The following DCC variants were observed in gnomAD, a reference collection of about 807,000 sequenced individuals.
DCC encodes DCC netrin 1 receptor.
In DCC, 58 loss-of-function variants were observed where a neutral mutation model predicts 172.5. That is an observed-to-expected ratio of 0.34 (90% CI 0.27 to 0.42). The LOEUF (loss-of-function observed/expected upper bound fraction) is 0.42. Ranked by LOEUF, DCC falls within the 10% of genes least tolerant of loss-of-function variation. The pLI is 1.00. For missense variants in DCC, 1,740 were observed against 1,791.0 expected (o/e 0.97, Z 0.51); for synonymous variants, 709 against 644.5 (o/e 1.10, Z -1.52).
intron 1 of DCC, among the ~76,000 whole-genome samples, chr18:52,629,363 T>G (rs1039470292): frequency 1.3e-5 from 2 of 152,358 alleles, no homozygotes; most frequent in Non-Finnish European, 2.9e-5. Flanking sequence ...TTTTTTCATT[T>G]TTTAAGCTGA....
intron 26 of DCC, among the ~76,000 whole-genome samples, chr18:53,496,451 A>C (rs189119837): frequency 1.3e-5 from 1 of 78,720 alleles, no homozygotes; most frequent in East Asian, 3.3e-4. Flanking sequence ...CTCCATCCGA[A>C]GGTCACCAAC....
chr18:53,115,152 A>G (rs905236234), intron 7 of DCC, among the ~76,000 whole-genome samples: 1 of 151,630 alleles, frequency 6.6e-6, no homozygotes, highest in African/African-American at 2.4e-5. Context: ...AATCACACTC[A>G]TGGATTATTG....
At chr18:52,927,168 T>TATATCTGTGTATATAC (rs1555682869) in intron 5 of DCC, among the ~76,000 whole-genome samples, 1 of 82,452 alleles carries the variant, frequency 1.2e-5, no homozygotes, top group African/African-American at 4.7e-5. Context: ...CGTATATATG[T>TATATCTGTGTATATAC]GTATATATGT....
Position 52,340,260 on chromosome 18 carries a change from T to C in DCC, c.-528T>C. On this transcript the variant is annotated 5_prime_UTR_variant, in exon 1 of 29. Transcript: ENST00000442544. ...GCTCCACCCCGCAGTCCCCCCCGCC[T>C]CTCCTCCCTGGGTCCCCTCGGCTCT... is the stretch of plus-strand genomic sequence containing the variant. 5.1e-6 allele frequency: 1 copy of C among 194,716 alleles called. No individual in the cohort carries two copies. The highest frequency in any genetic ancestry group is 1.1e-5 in the Non-Finnish European group (1 of 93,006). 12.1% of individuals were successfully genotyped at this position (194,716 alleles called of 1,614,324 possible).
intron 1 of DCC, among the ~76,000 whole-genome samples, chr18:52,747,473 T>G (rs1175297631): frequency 3.3e-5 from 5 of 152,242 alleles, no homozygotes; most frequent in Non-Finnish European, 7.3e-5. Flanking sequence ...ATCGGAAGTT[T>G]AGTTTTGATT....
chr18:52,510,828 C>A (rs887156939), intron 1 of DCC, among the ~76,000 whole-genome samples: 10 of 152,120 alleles, frequency 6.6e-5, no homozygotes, highest in African/African-American at 1.9e-4. Context: ...AGATAATCAC[C>A]TATTGTATGT....
intron 5 of DCC, among the ~76,000 whole-genome samples, chr18:52,949,439 A>G (rs2040600136): frequency 1.3e-5 from 2 of 152,304 alleles, no homozygotes; most frequent in East Asian, 3.9e-4. Context: ...ATCAAGAAGA[A>G]CAGTTTGAAT....
chr18:52,497,598 A>T (rs902022196), intron 1 of DCC, among the ~76,000 whole-genome samples: 1 of 151,926 alleles, frequency 6.6e-6, no homozygotes, highest in Admixed American at 6.6e-5. Flanking sequence ...CTAACAAGTG[A>T]TTTTTAAATT....
At chr18:52,818,019 A>G (rs188909536) in intron 2 of DCC, 1 of 152,174 alleles carries the variant, frequency 6.6e-6, no homozygotes, top group Non-Finnish European at 1.5e-5. Flanking sequence ...GGTAGTGATG[A>G]TAGTTTCCTA....
chr18:53,288,246 T>C (rs1598986223), intron 12 of DCC, among the ~76,000 whole-genome samples: 2 of 152,274 alleles, frequency 1.3e-5, no homozygotes, highest in East Asian at 3.9e-4. Context: ...ACCTTTTCAT[T>C]TCTAGAACAT....
At chr18:52,796,439 G>A (rs2037879353) in intron 2 of DCC, among the ~76,000 whole-genome samples, 1 of 151,928 alleles carries the variant, frequency 6.6e-6, no homozygotes, top group African/African-American at 2.4e-5. Context: ...TTTCCATGAT[G>A]GTAGATATTA....
intron 1 of DCC, among the ~76,000 whole-genome samples, chr18:52,601,513 T>G (rs2034017791): frequency 6.6e-6 from 1 of 152,090 alleles, no homozygotes; most frequent in African/African-American, 2.4e-5. Context: ...AAGCCTCTAA[T>G]TATAAACTGA....
chr18:53,174,191 G>A (rs1413657669), intron 8 of DCC, among the ~76,000 whole-genome samples: 5 of 143,870 alleles, frequency 3.5e-5, no homozygotes, highest in Non-Finnish European at 6.1e-5. Context: ...TGTGTAGAGG[G>A]AAATTTACAG....
chr18:52,967,395 A>C (rs1244450430), intron 5 of DCC, among the ~76,000 whole-genome samples: 1 of 152,188 alleles, frequency 6.6e-6, no homozygotes, highest in Non-Finnish European at 1.5e-5. Flanking sequence ...CAATGTAATT[A>C]CTCAAATGTC....
intron 5 of DCC, among the ~76,000 whole-genome samples, chr18:53,034,379 A>T (rs1463709820): frequency 2.0e-5 from 3 of 152,054 alleles, no homozygotes; most frequent in African/African-American, 7.2e-5. Flanking sequence ...ATTACATCAA[A>T]TGCATTATTT....
At chr18:53,134,621 T>C (rs866742286) in intron 7 of DCC, among the ~76,000 whole-genome samples, 1 of 152,162 alleles carries the variant, frequency 6.6e-6, no homozygotes, top group South Asian at 2.1e-4. Flanking sequence ...CAAAACCCAA[T>C]GGCCCAGGGA....
At chr18:53,091,288 T>TA (rs2043005001) in intron 7 of DCC, among the ~76,000 whole-genome samples, 1 of 147,144 alleles carries the variant, frequency 6.8e-6, no homozygotes, top group Admixed American at 6.7e-5. Context: ...TCAAAGAGAA[T>TA]AACATGAAAA....
At chr18:53,215,485 C>A in intron 11 of DCC, 63 bp from the exon 12 acceptor site, 1 of 1,234,908 alleles carries the variant, frequency 8.1e-7, no homozygotes, top group Non-Finnish European at 1.2e-6. Context: ...TTTTACTAGA[C>A]AGGTGGTATT....
At chr18:52,682,966 T>A (rs1458091591) in intron 1 of DCC, among the ~76,000 whole-genome samples, 1 of 152,012 alleles carries the variant, frequency 6.6e-6, no homozygotes, top group Non-Finnish European at 1.5e-5. Flanking sequence ...CAAAAGAGAC[T>A]AAGAAAGAGT....
Sources: allele counts gnomAD v4.1 joint callset (sites outside exome capture counted in the v4.1 genomes callset), GRCh38; gene constraint gnomAD v4.1.1; transcripts MANE v1.5; gene names NCBI Gene and HGNC (gene_info 2026-07-23, HGNC 2026-07-21).